KIAA1217: variants seen among roughly 807,000 people sequenced by gnomAD.
KIAA1217 encodes sickle tail protein homolog.
A neutral mutation model predicts 163.9 loss-of-function variants in KIAA1217; 88 were observed. That is an observed-to-expected ratio of 0.54 (90% CI 0.45 to 0.64). The LOEUF is 0.64. Among genes scored for constraint, KIAA1217 ranks in the 30% least tolerant of loss-of-function variants. The pLI, the probability that KIAA1217 is intolerant of heterozygous loss-of-function variation, is 0.00. For missense variants in KIAA1217, 2,372 were observed against 2,475.0 expected, an observed-to-expected ratio of 0.96 and a Z score of 0.88; for synonymous variants, 903 against 923.1, an observed-to-expected ratio of 0.98 and a Z score of 0.39.
intron 2 of KIAA1217, among the ~76,000 whole-genome samples, chr10:24,091,791 C>G (rs1304275925): frequency 6.6e-6 from 1 of 151,776 alleles, no homozygotes; most frequent in African/African-American, 2.4e-5. Flanking sequence ...ACTGACACCC[C>G]CAAAACCCCA....
Position 24,018,017 on chromosome 10 carries a change from C to CA in KIAA1217, c.-171+10648dup, listed in dbSNP as rs529460503. 8.5e-4 allele frequency among the ~76,000 whole-genome samples: 129 copies of CA among 152,156 alleles called. 1 individual carries two copies. The highest frequency in any genetic ancestry group is 3.0e-3 in the African/African-American group (123 of 41,536). On this transcript the variant is annotated intron_variant, in intron 2 of 18. Coordinates refer to the KIAA1217 transcript ENST00000376462. The stretch of plus-strand genomic sequence containing the variant: ...CTACCAGGTTACCTTTGTAGCCCCC[C>CA]AAAAAGTAAGATCCGAGTTTAAAGT...
chr10:23,950,699 T>C (rs1322749420), intron 1 of KIAA1217, among the ~76,000 whole-genome samples: 2 of 152,082 alleles, frequency 1.3e-5, no homozygotes, highest in African/African-American at 4.8e-5. Flanking sequence ...CTCAAAACTA[T>C]GAAAAGGGAT....
At chr10:24,112,180 T>G (rs537078883) in intron 2 of KIAA1217, among the ~76,000 whole-genome samples, 65 of 152,318 alleles carry the variant, frequency 4.3e-4, no homozygotes, top group African/African-American at 1.5e-3. Flanking sequence ...TGGAAGAAAG[T>G]AAAACGTCAC....
chr10:23,959,920 T>TTTC (rs1182007777), intron 1 of KIAA1217, among the ~76,000 whole-genome samples: 1 of 147,592 alleles, frequency 6.8e-6, no homozygotes, highest in African/African-American at 2.5e-5. Context: ...TCTTTTTTTT[T>TTTC]TTTTTTTTTT....
At chr10:23,710,095 T>C (rs1180733349) in intron 1 of KIAA1217, among the ~76,000 whole-genome samples, 1 of 152,110 alleles carries the variant, frequency 6.6e-6, no homozygotes, top group Non-Finnish European at 1.5e-5. Flanking sequence ...CTAAAGAACA[T>C]GAATGAATGA....
At chr10:23,880,150 GA>G (rs1224809651) in intron 1 of KIAA1217, among the ~76,000 whole-genome samples, 5 of 151,800 alleles carry the variant, frequency 3.3e-5, no homozygotes, top group Admixed American at 6.6e-5. Flanking sequence ...AAAAATGAAT[GA>G]GTTTATTGCA....
intron 1 of KIAA1217, among the ~76,000 whole-genome samples, chr10:24,213,865 T>C (rs4074063): frequency 0.58 from 88,294 of 152,044 alleles, 25,927 homozygotes; most frequent in African/African-American, 0.67. Context: ...TGCTGATTTG[T>C]ATATATATTA....
intron 6 of KIAA1217, among the ~76,000 whole-genome samples, chr10:24,491,440 C>A (rs1423539161): frequency 6.6e-6 from 1 of 151,882 alleles, no homozygotes; most frequent in Non-Finnish European, 1.5e-5. Context: ...CAGTCATGTG[C>A]CACCACACCC....
intron 2 of KIAA1217, among the ~76,000 whole-genome samples, chr10:24,015,559 C>A (rs1847439711): frequency 6.6e-6 from 1 of 151,850 alleles, no homozygotes; most frequent in South Asian, 2.1e-4. Flanking sequence ...AGTTCAAGAC[C>A]AGCCTGGCCA....
intron 2 of KIAA1217, among the ~76,000 whole-genome samples, chr10:24,043,224 A>G (rs1281556706): frequency 6.6e-6 from 1 of 152,212 alleles, no homozygotes; most frequent in Non-Finnish European, 1.5e-5. Context: ...AATAAGCAGC[A>G]TTTATAATAC....
chr10:24,525,489 A>G (rs1296032638), intron 13 of KIAA1217, among the ~76,000 whole-genome samples: 1 of 152,228 alleles, frequency 6.6e-6, no homozygotes, highest in Non-Finnish European at 1.5e-5. Flanking sequence ...TTTGGAGTTT[A>G]TTTGGAAGGT....
rs1434351225 is a variant in KIAA1217, at chr10:23,759,514, TCA to T, written c.-321+64282_-321+64283del. On this transcript the variant is annotated intron_variant, in intron 1 of 18. Transcript: ENST00000376462. ...TCTTAGAGGAAAAGCTTGCAGCCTT[TCA>T]CCATTGAGTATGATGATTACTGCAG... Among the ~76,000 whole-genome samples, 6 of 152,230 alleles carry T rather than the reference TCA, an allele frequency of 3.9e-5. 1 individual carries two copies. The South Asian group carries it at 1.2e-3, about 31-fold the overall frequency.
At chr10:24,357,535 C>T (rs1166612500) in intron 2 of KIAA1217, among the ~76,000 whole-genome samples, 1 of 152,186 alleles carries the variant, frequency 6.6e-6, no homozygotes, top group Admixed American at 6.5e-5. Flanking sequence ...TGCAGCAGCA[C>T]ACCCGCAGGC....
intron 1 of KIAA1217, among the ~76,000 whole-genome samples, chr10:23,821,104 CGTGTGTGTGTGT>C (rs3072739): frequency 0.04 from 5,747 of 143,202 alleles, 175 homozygotes; most frequent in Non-Finnish European, 0.064. Context: ...TGTGTGTGTG[CGTGTGTGTGTGT>C]GTGTGTGTGT....
chr10:24,496,408 T>C (rs1212072092), intron 8 of KIAA1217, among the ~76,000 whole-genome samples: 2 of 152,370 alleles, frequency 1.3e-5, no homozygotes, highest in Non-Finnish European at 2.9e-5. Flanking sequence ...AAATGGATTG[T>C]AAACTTAGGG....
In KIAA1217 at chr10:23,799,885, G is replaced by A. The variant is rs536696480; in HGVS notation, c.-321+104651G>A. 1.7e-3 allele frequency among the ~76,000 whole-genome samples: 253 copies of A among 152,294 alleles called. 1 individual carries two copies. The highest frequency in any genetic ancestry group is 0.014 in the Middle Eastern group (4 of 294). On this transcript the variant is annotated intron_variant, in intron 1 of 18. Coordinates refer to the KIAA1217 transcript ENST00000376462. ...TCAAAAAGGCAGCAAACAGGGGAGG[G>A]TTCTATTGGACTAAGAATTGAAAAT...
chr10:23,856,556 T>C (rs1046189090), intron 1 of KIAA1217, among the ~76,000 whole-genome samples: 4 of 152,222 alleles, frequency 2.6e-5, no homozygotes, highest in African/African-American at 4.8e-5. Flanking sequence ...GTCAGGGACA[T>C]TTAAGTCTGC....
chr10:23,708,663 G>C (rs1228398308), intron 1 of KIAA1217, among the ~76,000 whole-genome samples: 1 of 152,194 alleles, frequency 6.6e-6, no homozygotes. Flanking sequence ...TGAGTGAACA[G>C]AAGATGGTGA....
In KIAA1217 at chr10:24,281,820, G is replaced by A. The variant is rs564199380; in HGVS notation, c.354+61911G>A. ...TCACGCCTGTAATCCCAGCACTTTG[G>A]GAGACCAAGACAGGCAGATCATGAG... On this transcript the variant is annotated intron_variant, in intron 2 of 20. Transcript: ENST00000376454. Among the ~76,000 whole-genome samples the A allele has an allele frequency of 2.0e-5, 3 of 152,204 alleles. 1 individual carries two copies. The South Asian group carries it at 6.2e-4, about 32-fold the overall frequency.
Sources: allele counts gnomAD v4.1 joint callset (sites outside exome capture counted in the v4.1 genomes callset), GRCh38; gene constraint gnomAD v4.1.1; transcripts MANE v1.5; gene names NCBI Gene and HGNC (gene_info 2026-07-23, HGNC 2026-07-21).